Variants in NF2 observed in about 807,000 individuals in gnomAD.
NF2 encodes NF2, moesin-ezrin-radixin like (MERLIN) tumor suppressor.
In NF2, 8 loss-of-function variants were observed where a neutral mutation model predicts 83.7. That is an observed-to-expected ratio of 0.10 (90% CI 0.06 to 0.17). The LOEUF is 0.17. Ranked by LOEUF, NF2 falls within the 10% of genes least tolerant of loss-of-function variation. The pLI is 1.00. For synonymous variants in NF2, 266 were observed against 269.6 expected (o/e 0.99, Z 0.13); for missense variants, 533 against 744.4 (o/e 0.72, Z 3.31).
intron 1 of NF2, among the ~76,000 whole-genome samples, chr22:29,630,908 T>G (rs996513009): frequency 6.6e-6 from 1 of 152,060 alleles, no homozygotes; most frequent in Non-Finnish European, 1.5e-5. Flanking sequence ...GTGGCACGAG[T>G]GCAGGGCCTG....
At chr22:29,630,244 TA>T (rs2065473020) in intron 1 of NF2, among the ~76,000 whole-genome samples, 1 of 152,234 alleles carries the variant, frequency 6.6e-6, no homozygotes. Flanking sequence ...GGTTGCTTCC[TA>T]TAACAGAAAA....
chr22:29,668,420 G>T lies in NF2; in HGVS notation c.973G>T (p.Ala325Ser), dbSNP rs1275464115. ...SLEVQQMKAQ[A>S]REEKARKQME... ...GGAAGTTCAGCAGATGAAAGCCCAG[G>T]CCAGGGAGGAGAAGGCTAGAAAGCA... is the stretch of plus-strand genomic sequence containing the variant. The change falls in exon 10 of 16, where the codon GCC (alanine) becomes TCC (serine). Residue 325 changes from alanine (A) to serine (S), a missense_variant. Transcript: ENST00000338641. The T allele has an allele frequency of 6.2e-7, 1 of 1,613,896 alleles. No homozygotes were observed. Among genetic ancestry groups the T allele is most frequent in the South Asian group, 1.1e-5 (1 of 91,072 alleles).
intron 1 of NF2, among the ~76,000 whole-genome samples, chr22:29,605,465 C>T (rs184096592): frequency 2.6e-5 from 4 of 152,076 alleles, no homozygotes; most frequent in Non-Finnish European, 5.9e-5. Flanking sequence ...TGAGCCACCC[C>T]GCCCAGCCTC....
intron 1 of NF2, among the ~76,000 whole-genome samples, chr22:29,612,604 T>C (rs898198316): frequency 5.3e-5 from 8 of 151,980 alleles, no homozygotes; most frequent in African/African-American, 1.9e-4. Flanking sequence ...CTCAAAGTGC[T>C]GGGATTACAG....
intron 10 of NF2, among the ~76,000 whole-genome samples, chr22:29,670,937 C>G (rs577596225): frequency 9.9e-5 from 15 of 152,242 alleles, no homozygotes; most frequent in African/African-American, 1.7e-4. Flanking sequence ...GCAGCTCCCC[C>G]CTGTGAAATA....
chr22:29,634,909 ACTC>A (rs1387096011), intron 1 of NF2, among the ~76,000 whole-genome samples: 1 of 152,198 alleles, frequency 6.6e-6, no homozygotes, highest in African/African-American at 2.4e-5. Flanking sequence ...TAAAAATAAA[ACTC>A]ATCATTTTCT....
At chr22:29,656,314 G>A (rs548975776) in intron 6 of NF2, among the ~76,000 whole-genome samples, 1 of 151,576 alleles carries the variant, frequency 6.6e-6, no homozygotes, top group South Asian at 2.1e-4. Context: ...GATGGCATTT[G>A]AGTATCTGTA....
chr22:29,605,544 A>G (rs2064769069), intron 1 of NF2, among the ~76,000 whole-genome samples: 1 of 152,042 alleles, frequency 6.6e-6, no homozygotes, highest in African/African-American at 2.4e-5. Flanking sequence ...TCCTGAGCTC[A>G]AGCAATCCAC....
intron 11 of NF2, 132 bp downstream of exon 11, chr22:29,672,080 C>A: frequency 2.2e-6 from 3 of 1,356,356 alleles, no homozygotes; most frequent in Non-Finnish European, 3.1e-6. Context: ...TTGAAAAAAT[C>A]AGTGCCTTTT....
chr22:29,667,076 A>G (rs1348108594), intron 9 of NF2, among the ~76,000 whole-genome samples: 3 of 152,238 alleles, frequency 2.0e-5, no homozygotes, highest in African/African-American at 7.2e-5. Context: ...AAATTTCAAA[A>G]TTATGACACA....
At chr22:29,622,765 C>T (rs1477744695) in intron 1 of NF2, among the ~76,000 whole-genome samples, 1 of 144,596 alleles carries the variant, frequency 6.9e-6, no homozygotes, top group Admixed American at 7.3e-5. Flanking sequence ...AAGCAATTCT[C>T]TTGCCTCAGC....
chr22:29,685,135 TGA>T (rs1440542857), intron 15 of NF2, among the ~76,000 whole-genome samples: 1 of 151,824 alleles, frequency 6.6e-6, no homozygotes, highest in East Asian at 1.9e-4. Context: ...TGCTTTGTTT[TGA>T]GACACGGTCT....
rs188039999 is a variant in NF2, at chr22:29,635,786, C to T, written c.115-965C>T. ...TCGAAAGATTACTCTTTCATGACCACCATTTCTATGATGCATCTCATATGA... is the reference window on the plus strand; with the variant it reads ...TCGAAAGATTACTCTTTCATGACCATCATTTCTATGATGCATCTCATATGA... On this transcript the variant is annotated intron_variant, in intron 1 of 15. Coordinates refer to ENST00000338641, the MANE Select transcript of NF2 (RefSeq NM_000268.4). Among the ~76,000 whole-genome samples, 65 of 152,256 alleles carry T rather than the reference C, an allele frequency of 4.3e-4. 1 individual carries two copies. In the South Asian group the frequency reaches 7.3e-3, roughly 17 times the overall value.
chr22:29,663,020 T>C (rs991003245), intron 8 of NF2, among the ~76,000 whole-genome samples: 6 of 152,200 alleles, frequency 3.9e-5, no homozygotes, highest in Non-Finnish European at 8.8e-5. Flanking sequence ...GTTTCCAGTA[T>C]ATGGTTGGGA....
Position 29,613,712 on chromosome 22 carries a change from T to TCTTG in NF2, c.114+9600_114+9601insCTTG, listed in dbSNP as rs2065012071. 1.6e-4 allele frequency among the ~76,000 whole-genome samples: 24 copies of TCTTG among 152,116 alleles called. No individual in the cohort carries two copies. In the South Asian group the frequency reaches 3.5e-3, roughly 22 times the overall value. On this transcript the variant is annotated intron_variant, in intron 1 of 15. Transcript: ENST00000338641. ...GGGGAGAACTGTCTTGTCTTGTCTTTTCTTGCTACATGCCACAGACTGTGA... is the reference window on the plus strand; with the variant it reads ...GGGGAGAACTGTCTTGTCTTGTCTTTCTTGTCTTGCTACATGCCACAGACTGTGA...
chr22:29,689,773 C>T (rs748616699), intron 15 of NF2, among the ~76,000 whole-genome samples: 1 of 152,178 alleles, frequency 6.6e-6, no homozygotes, highest in Non-Finnish European at 1.5e-5. Flanking sequence ...CTCTGTGTCT[C>T]CCCCAACCTT....
At chr22:29,610,250 G>A (rs2064913891) in intron 1 of NF2, among the ~76,000 whole-genome samples, 1 of 152,126 alleles carries the variant, frequency 6.6e-6, no homozygotes, top group South Asian at 2.1e-4. Context: ...GGAGGTTAAG[G>A]TGTGAGGATC....
At chr22:29,668,960 G>C (rs2066706137) in intron 10 of NF2, among the ~76,000 whole-genome samples, 1 of 152,368 alleles carries the variant, frequency 6.6e-6, no homozygotes, top group African/African-American at 2.4e-5. Context: ...CAGCAGACTG[G>C]ATGATCTGCA....
intron 8 of NF2, among the ~76,000 whole-genome samples, chr22:29,664,138 T>TG (rs2066550439): frequency 6.6e-6 from 1 of 152,182 alleles, no homozygotes; most frequent in Admixed American, 6.6e-5. Context: ...GATAGGGGTC[T>TG]GCTCTGTTGC....
Sources: allele counts gnomAD v4.1 joint callset (sites outside exome capture counted in the v4.1 genomes callset), GRCh38; gene constraint gnomAD v4.1.1; transcripts MANE v1.5; gene names NCBI Gene and HGNC (gene_info 2026-07-23, HGNC 2026-07-21).